PPM1D: variants seen among roughly 807,000 people sequenced by gnomAD.
The protein encoded by PPM1D is protein phosphatase, Mg2+/Mn2+ dependent 1D.
Under a neutral mutation model 58.3 loss-of-function variants are expected in PPM1D, and 52 were observed. The ratio of observed to expected loss-of-function variants is 0.89; its 90% CI spans 0.71 to 1.12. PPM1D has a LOEUF of 1.12. Ranked by LOEUF, PPM1D falls within the 50% of genes most tolerant of loss-of-function variation. The pLI is 0.00. For missense variants in PPM1D, 564 were observed against 777.2 expected, an observed-to-expected ratio of 0.73 and a Z score of 3.26; for synonymous variants, 278 against 285.1, an observed-to-expected ratio of 0.98 and a Z score of 0.25.
chr17:60,645,536 GTATATATATGTA>G (rs1567974661), intron 3 of PPM1D, among the ~76,000 whole-genome samples: 3 of 134,604 alleles, frequency 2.2e-5, no homozygotes, highest in African/African-American at 9.0e-5. Flanking sequence ...ATATATATGT[GTATATATATGTA>G]TATATATGTG....
intron 1 of PPM1D, among the ~76,000 whole-genome samples, chr17:60,601,307 T>C (rs1292995574): frequency 6.6e-6 from 1 of 152,218 alleles, no homozygotes; most frequent in African/African-American, 2.4e-5. Context: ...CCTGAAAGTC[T>C]TATCCCTCTC....
rs565631862 is a variant in PPM1D at position 60,660,599 on chromosome 17, GA to G, written c.1261-2392del. Among the ~76,000 whole-genome samples, 1,071 of 150,846 alleles carry G rather than the reference GA, an allele frequency of 7.1e-3. 9 individuals are homozygous for G. Among genetic ancestry groups the G allele is most frequent in the Non-Finnish European group, 0.011 (767 of 67,544 alleles). ...AACATGGTGAAACCCCATCTCTACT[GA>G]AAATACAAAAATTAGCTGGGCATGG... is the stretch of plus-strand genomic sequence containing the variant. On this transcript the variant is annotated intron_variant, in intron 5 of 5. Transcript: ENST00000305921.
intron 3 of PPM1D, among the ~76,000 whole-genome samples, chr17:60,640,843 T>G (rs1265358765): frequency 1.3e-5 from 2 of 152,098 alleles, no homozygotes; most frequent in African/African-American, 4.8e-5. Context: ...TTTAGAAATT[T>G]AGAAATTTCT....
chr17:60,612,960 A>G (rs565223103), intron 1 of PPM1D, among the ~76,000 whole-genome samples: 1 of 152,294 alleles, frequency 6.6e-6, no homozygotes, highest in African/African-American at 2.4e-5. Flanking sequence ...GTGCTTTTAA[A>G]TTATTAGTTT....
In PPM1D at chr17:60,665,228, C is replaced by CA. The variant is rs2143736707; in HGVS notation, c.*1679dup. The CA allele has an allele frequency of 6.6e-6, 1 of 152,348 alleles. No homozygotes were observed. Among genetic ancestry groups the CA allele is most frequent in the South Asian group, 2.1e-4 (1 of 4,828 alleles). The allele number at this position is 152,348 out of a possible 1,614,324, so 9.4% of individuals were successfully genotyped here. ...TCGTGATCCACCCGCCTCGACCTCC[C>CA]AAAGTACTGGGATTACAGGCGTGAG... On this transcript the variant is annotated 3_prime_UTR_variant, in exon 6 of 6. Coordinates refer to ENST00000305921, the MANE Select transcript of PPM1D (RefSeq NM_003620.4).
chr17:60,618,736 T>C (rs573775993), intron 1 of PPM1D, among the ~76,000 whole-genome samples: 1 of 152,350 alleles, frequency 6.6e-6, no homozygotes, highest in African/African-American at 2.4e-5. Context: ...TGTGTTGTTT[T>C]TATTCTAATA....
At chr17:60,618,764 A>G (rs1473695159) in intron 1 of PPM1D, among the ~76,000 whole-genome samples, 1 of 152,156 alleles carries the variant, frequency 6.6e-6, no homozygotes, top group Non-Finnish European at 1.5e-5. Flanking sequence ...CTTCTGAAGA[A>G]TAGATTTTTT....
rs1315116280 is a variant in PPM1D, at chr17:60,626,391, G to GT, written c.701+2650dup. Among the ~76,000 whole-genome samples, 28 of 149,284 alleles carry GT rather than the reference G, an allele frequency of 1.9e-4. No individual in the cohort carries two copies. The East Asian group carries it at 2.2e-3, about 11-fold the overall frequency. ...TGTCTCAATGATGTGTTTTTTTGGG[G>GT]TTTTTTTTGTTTTTTTTTTTTGAAA... On this transcript the variant is annotated intron_variant, in intron 2 of 5. Transcript: ENST00000305921.
At chr17:60,644,521 A>G (rs2031198615) in intron 3 of PPM1D, among the ~76,000 whole-genome samples, 1 of 152,216 alleles carries the variant, frequency 6.6e-6, no homozygotes, top group Non-Finnish European at 1.5e-5. Flanking sequence ...TTTATATTAT[A>G]CAGTGCTATA....
At chr17:60,615,654 T>C (rs954695200) in intron 1 of PPM1D, among the ~76,000 whole-genome samples, 3 of 151,692 alleles carry the variant, frequency 2.0e-5, no homozygotes, top group South Asian at 4.2e-4. Context: ...TGGAAAAGTA[T>C]GTGGGAGAAT....
At chr17:60,644,251 T>C (rs2031194171) in intron 3 of PPM1D, among the ~76,000 whole-genome samples, 1 of 152,010 alleles carries the variant, frequency 6.6e-6, no homozygotes, top group South Asian at 2.1e-4. Context: ...CCTAGGGAAT[T>C]GTTTTAGGTT....
At chr17:60,655,815 C>G (rs1418646750) in intron 4 of PPM1D, among the ~76,000 whole-genome samples, 1 of 151,652 alleles carries the variant, frequency 6.6e-6, no homozygotes, top group Non-Finnish European at 1.5e-5. Context: ...GATTCTCCTG[C>G]CTCAGCCTCC....
chr17:60,610,351 T>C (rs578138506), intron 1 of PPM1D, among the ~76,000 whole-genome samples: 9 of 152,328 alleles, frequency 5.9e-5, no homozygotes, highest in African/African-American at 1.9e-4. Flanking sequence ...CAGTATTGTA[T>C]GATTTCTTCA....
intron 4 of PPM1D, among the ~76,000 whole-genome samples, chr17:60,656,042 G>C (rs2031432824): frequency 1.3e-5 from 2 of 151,980 alleles, no homozygotes; most frequent in Admixed American, 1.3e-4. Flanking sequence ...TGAGTTTCTT[G>C]ATAAAAATAA....
chr17:60,635,941 C>T (rs1401080211), intron 3 of PPM1D, among the ~76,000 whole-genome samples: 3 of 152,158 alleles, frequency 2.0e-5, no homozygotes, highest in African/African-American at 2.4e-5. Flanking sequence ...CTGGATGGTT[C>T]TGGCTCAGGG....
intron 2 of PPM1D, among the ~76,000 whole-genome samples, chr17:60,633,330 T>G (rs76900433): frequency 0.047 from 7,093 of 152,194 alleles, 587 homozygotes; most frequent in African/African-American, 0.16. Flanking sequence ...TTCTGCTGTT[T>G]CGCCCGTCCT....
At chr17:60,636,612 T>C (rs2031026465) in intron 3 of PPM1D, among the ~76,000 whole-genome samples, 1 of 152,154 alleles carries the variant, frequency 6.6e-6, no homozygotes, top group African/African-American at 2.4e-5. Flanking sequence ...AGTAAAGAGA[T>C]GAGGCAGTGA....
chr17:60,661,317 G>A (rs559791663), intron 5 of PPM1D, among the ~76,000 whole-genome samples: 1 of 151,176 alleles, frequency 6.6e-6, no homozygotes, highest in Admixed American at 6.6e-5. Flanking sequence ...TGCTCTGCTT[G>A]GGCTTTTCAG....
chr17:60,642,033 ATGAT>A (rs1159344512), intron 3 of PPM1D, among the ~76,000 whole-genome samples: 1 of 152,260 alleles, frequency 6.6e-6, no homozygotes, highest in East Asian at 1.9e-4. Context: ...ATGATGTTCT[ATGAT>A]CGTACTTTGG....
Sources: gnomAD v4.1 joint callset for allele counts (sites outside exome capture counted in the v4.1 genomes callset) on GRCh38, gnomAD v4.1.1 for gene constraint, MANE v1.5 for transcripts, NCBI Gene and HGNC (gene_info 2026-07-23, HGNC 2026-07-21) for gene names.